The following SNX29 variants were observed in gnomAD, a reference collection of about 807,000 sequenced individuals.
SNX29 encodes sorting nexin-29.
A neutral mutation model predicts 102.1 loss-of-function variants in SNX29; 78 were observed. The ratio of observed to expected loss-of-function variants is 0.76; its 90% CI spans 0.64 to 0.92. The LOEUF is 0.92. Among genes scored for constraint, SNX29 ranks in the 40% least tolerant of loss-of-function variants. SNX29 has a pLI of 0.00. For missense variants in SNX29, 1,280 were observed against 1,061.7 expected (o/e 1.21, Z -2.86); for synonymous variants, 580 against 414.5 (o/e 1.40, Z -4.85).
chr16:12,233,011 G>T (rs78620981), intron 14 of SNX29, among the ~76,000 whole-genome samples: 5,910 of 152,266 alleles, frequency 0.039, 415 homozygotes, highest in African/African-American at 0.14. Flanking sequence ...ACCCTCACAT[G>T]CAAGTCACCA....
chr16:12,358,652 G>A (rs755884839), intron 16 of SNX29, among the ~76,000 whole-genome samples: 10 of 152,166 alleles, frequency 6.6e-5, no homozygotes, highest in South Asian at 4.1e-4. Context: ...GTCCAGCCCC[G>A]CACCCTGGAG....
At chr16:12,362,667 G>C (rs1212469463) in intron 16 of SNX29, among the ~76,000 whole-genome samples, 1 of 148,530 alleles carries the variant, frequency 6.7e-6, no homozygotes, top group Non-Finnish European at 1.5e-5. Context: ...CCCTCGCCTG[G>C]AACACTGCCC....
chr16:12,057,348 C>G (rs139732956), intron 8 of SNX29, among the ~76,000 whole-genome samples: 289 of 152,286 alleles, frequency 1.9e-3, no homozygotes, highest in African/African-American at 6.4e-3. Context: ...AGTGAGTCCT[C>G]AGTTCCTGGC....
chr16:12,272,981 G>A (rs947065768), intron 14 of SNX29, among the ~76,000 whole-genome samples: 1 of 152,188 alleles, frequency 6.6e-6, no homozygotes, highest in Non-Finnish European at 1.5e-5. Flanking sequence ...ATTTTGGTTA[G>A]ATCAGTATTC....
chr16:12,069,254 C>A, intron 10 of SNX29, 122 bp downstream of exon 10: 2 of 769,982 alleles, frequency 2.6e-6, no homozygotes, highest in Non-Finnish European at 4.1e-6. Flanking sequence ...GTTTACTTCA[C>A]ATTTATGTTC....
intron 11 of SNX29, among the ~76,000 whole-genome samples, chr16:12,089,430 T>A (rs2052393718): frequency 6.6e-6 from 1 of 152,158 alleles, no homozygotes; most frequent in Non-Finnish European, 1.5e-5. Flanking sequence ...CTGCTACTCT[T>A]GGTTTATATA....
At chr16:12,144,691 C>T (rs760966844) in intron 13 of SNX29, among the ~76,000 whole-genome samples, 9 of 152,224 alleles carry the variant, frequency 5.9e-5, no homozygotes, top group Non-Finnish European at 8.8e-5. Context: ...TCGGTTATAG[C>T]AGCACAAAAC....
chr16:12,021,381 G>A (rs1009669342), intron 3 of SNX29, among the ~76,000 whole-genome samples: 5 of 151,828 alleles, frequency 3.3e-5, no homozygotes, highest in Admixed American at 6.6e-5. Flanking sequence ...AGCGGAGATC[G>A]CGCCACTGCA....
intron 14 of SNX29, among the ~76,000 whole-genome samples, chr16:12,212,014 T>C (rs1393172838): frequency 1.3e-5 from 2 of 152,090 alleles, no homozygotes; most frequent in Non-Finnish European, 2.9e-5. Flanking sequence ...CCCAGATCTG[T>C]CTGTTAAACC....
intron 8 of SNX29, chr16:12,060,889 C>T (rs111960808): frequency 6.0e-4 from 275 of 456,012 alleles, no homozygotes; most frequent in African/African-American, 4.6e-3. Context: ...ATAATTGAGC[C>T]GACTCCCTTT....
chr16:12,241,170 AT>A (rs1439918644), intron 14 of SNX29, among the ~76,000 whole-genome samples: 2 of 152,180 alleles, frequency 1.3e-5, no homozygotes, highest in African/African-American at 4.8e-5. Flanking sequence ...TCCAATTATA[AT>A]TTTTTAAGCT....
At chr16:12,158,961 A>G (rs1402352474) in intron 13 of SNX29, among the ~76,000 whole-genome samples, 4 of 152,148 alleles carry the variant, frequency 2.6e-5, no homozygotes, top group Admixed American at 6.5e-5. Flanking sequence ...CATTTCTCCA[A>G]TCATGGAGAA....
intron 1 of SNX29, among the ~76,000 whole-genome samples, chr16:11,979,831 G>A (rs573760003): frequency 1.3e-5 from 2 of 152,094 alleles, no homozygotes; most frequent in East Asian, 3.9e-4. Flanking sequence ...TGATCCACTT[G>A]TGAACTCCTG....
chr16:12,327,751 G>C (rs1567442477), intron 15 of SNX29, among the ~76,000 whole-genome samples: 1 of 152,080 alleles, frequency 6.6e-6, no homozygotes, highest in Non-Finnish European at 1.5e-5. Flanking sequence ...GAGGAAACCA[G>C]AAGTCAGGCT....
chr16:12,144,513 T>C (rs1278622202), intron 13 of SNX29, among the ~76,000 whole-genome samples: 3 of 152,184 alleles, frequency 2.0e-5, no homozygotes, highest in Non-Finnish European at 2.9e-5. Context: ...CGATTCATGC[T>C]GTTATAAAAG....
chr16:12,462,844 A>G (rs897841610), intron 18 of SNX29, among the ~76,000 whole-genome samples: 5 of 152,258 alleles, frequency 3.3e-5, no homozygotes, highest in African/African-American at 1.2e-4. Context: ...TTAGCAATGC[A>G]CATGGCTAAG....
chr16:12,000,869 T>A (rs1354747844), intron 2 of SNX29, among the ~76,000 whole-genome samples: 1 of 152,156 alleles, frequency 6.6e-6, no homozygotes, highest in Non-Finnish European at 1.5e-5. Flanking sequence ...CCTGAGCAGC[T>A]CTCTGCTCTT....
intron 16 of SNX29, among the ~76,000 whole-genome samples, chr16:12,386,185 C>G (rs192917078): frequency 6.6e-6 from 1 of 152,220 alleles, no homozygotes; most frequent in African/African-American, 2.4e-5. Flanking sequence ...GGATCCAAGA[C>G]CAAGGTCATT....
chr16:12,302,413 C>CCATAAACT (rs1439683223), intron 15 of SNX29, among the ~76,000 whole-genome samples: 1 of 152,176 alleles, frequency 6.6e-6, no homozygotes. Context: ...TAACAAAATA[C>CCATAAACT]CATAAACTGA....
Sources: gnomAD v4.1 joint callset for allele counts (sites outside exome capture counted in the v4.1 genomes callset) on GRCh38, gnomAD v4.1.1 for gene constraint, MANE v1.5 for transcripts, NCBI Gene and HGNC (gene_info 2026-07-23, HGNC 2026-07-21) for gene names.